The following RP1 variants were observed in gnomAD, a reference collection of about 807,000 sequenced individuals.
RP1 encodes the protein oxygen-regulated protein 1.
A neutral mutation model predicts 14.8 loss-of-function variants in RP1; 16 were observed. That is an observed-to-expected ratio of 1.08 (90% CI 0.73 to 1.65). The LOEUF (loss-of-function observed/expected upper bound fraction) is 1.65, where lower values mean the gene tolerates loss of function less well. RP1 is among the 40% of genes most tolerant of loss of function. The pLI is 0.00. For synonymous variants in RP1, 876 were observed against 883.6 expected (o/e 0.99, Z 0.15); for missense variants, 2,631 against 2,535.0 (o/e 1.04, Z -0.81).
intron 17 of RP1, among the ~76,000 whole-genome samples, chr8:54,731,867 A>G (rs1250873246): frequency 1.3e-5 from 2 of 152,134 alleles, no homozygotes; most frequent in Non-Finnish European, 2.9e-5. Context: ...TTCACTGTCT[A>G]GTGTCTATTG....
chr8:54,706,930 G>A (rs1408671074), intron 15 of RP1, among the ~76,000 whole-genome samples: 1 of 152,054 alleles, frequency 6.6e-6, no homozygotes, highest in African/African-American at 2.4e-5. Flanking sequence ...GAAGGCTGGC[G>A]TGGGACCTGA....
chr8:54,697,106 C>T lies in RP1; in HGVS notation c.1718-2361C>T, dbSNP rs564842357. 92 of 1,539,350 alleles carry T rather than the reference C, an allele frequency of 6.0e-5. No homozygotes were observed. The African/African-American group carries it at 8.3e-4, about 14-fold the overall frequency. Reference sequence around the variant, plus strand: ...GGGCACACCTGGCTATCGGGGTGAACGCATCAATCAGCTCATCTAGACCTA... The same window carrying T: ...GGGCACACCTGGCTATCGGGGTGAATGCATCAATCAGCTCATCTAGACCTA... On this transcript the variant is annotated intron_variant, in intron 12 of 22. Coordinates refer to the RP1 transcript ENST00000636932.
chr8:54,566,429 T>C (rs58830516), intron 1 of RP1, among the ~76,000 whole-genome samples: 347 of 152,200 alleles, frequency 2.3e-3, no homozygotes, highest in African/African-American at 8.1e-3. Flanking sequence ...TCCAAATCAC[T>C]CAAAGGGCAG....
At chr8:54,602,125 T>C (rs960492798) in intron 1 of RP1, among the ~76,000 whole-genome samples, 3 of 152,320 alleles carry the variant, frequency 2.0e-5, no homozygotes, top group Admixed American at 2.0e-4. Flanking sequence ...CATGTTGGTG[T>C]GCTGCACCCA....
intron 24 of RP1, among the ~76,000 whole-genome samples, chr8:54,816,168 G>A (rs901337097): frequency 6.6e-6 from 1 of 152,144 alleles, no homozygotes; most frequent in African/African-American, 2.4e-5. Flanking sequence ...AAAGGGAAAA[G>A]TATTTAATAA....
At chr8:54,607,733 C>T (rs1004399048) in intron 1 of RP1, among the ~76,000 whole-genome samples, 7 of 152,176 alleles carry the variant, frequency 4.6e-5, no homozygotes, top group African/African-American at 1.4e-4. Context: ...CTACTCAAGC[C>T]TCGGCAACGG....
chr8:54,715,811 G>A (rs545016118), intron 15 of RP1, among the ~76,000 whole-genome samples: 3 of 152,182 alleles, frequency 2.0e-5, no homozygotes, highest in South Asian at 2.1e-4. Context: ...GAAACTGCTC[G>A]TCACTAGTGC....
chr8:54,575,922 G>A (rs989137640), intron 1 of RP1, among the ~76,000 whole-genome samples: 2 of 152,198 alleles, frequency 1.3e-5, no homozygotes, highest in Admixed American at 6.5e-5. Context: ...GTGAGTGTGT[G>A]AGCAGAGAGA....
chr8:54,636,689 G>C (rs992724408), intron 3 of RP1, among the ~76,000 whole-genome samples: 4 of 152,162 alleles, frequency 2.6e-5, no homozygotes, highest in Non-Finnish European at 5.9e-5. Context: ...AGTGAGCTGA[G>C]ATTACGCCAC....
chr8:54,851,160 A>G (rs551486953), intron 25 of RP1, among the ~76,000 whole-genome samples: 5 of 152,168 alleles, frequency 3.3e-5, no homozygotes, highest in African/African-American at 4.8e-5. Flanking sequence ...TGTGTTGAGA[A>G]GTATCTGAGG....
intron 1 of RP1, among the ~76,000 whole-genome samples, chr8:54,601,872 A>G (rs1260169459): frequency 1.3e-5 from 2 of 152,242 alleles, no homozygotes; most frequent in Non-Finnish European, 2.9e-5. Context: ...TGAAATGTTC[A>G]AAATAGGCAA....
chr8:54,660,561 G>A (rs971944908), intron 6 of RP1, among the ~76,000 whole-genome samples: 7 of 152,074 alleles, frequency 4.6e-5, no homozygotes, highest in African/African-American at 1.7e-4. Context: ...GGGTAGGAGG[G>A]GGAGCTTCAG....
intron 23 of RP1, among the ~76,000 whole-genome samples, chr8:54,777,269 T>C (rs1232330558): frequency 6.6e-6 from 1 of 152,224 alleles, no homozygotes; most frequent in African/African-American, 2.4e-5. Flanking sequence ...GTAGTCCCAC[T>C]GTGCACGTGT....
chr8:54,867,435 AG>A (rs1470001995), intron 28 of RP1, among the ~76,000 whole-genome samples: 1 of 152,170 alleles, frequency 6.6e-6, no homozygotes, highest in Non-Finnish European at 1.5e-5. Context: ...AGGGAATAGA[AG>A]GGGCAAAGAT....
chr8:54,846,378 T>C (rs1811920828), intron 25 of RP1, among the ~76,000 whole-genome samples: 1 of 152,172 alleles, frequency 6.6e-6, no homozygotes, highest in Non-Finnish European at 1.5e-5. Context: ...AATATAACCT[T>C]TTTCCTTCTC....
At chr8:54,734,881 A>G (rs1808882169) in intron 18 of RP1, 1 of 631,948 alleles carries the variant, frequency 1.6e-6, no homozygotes, top group South Asian at 4.9e-5. Context: ...GTAAGTTAAT[A>G]ATGCTTATTG....
At chr8:54,620,578 C>T (rs1351560847) in intron 1 of RP1, among the ~76,000 whole-genome samples, 1 of 152,146 alleles carries the variant, frequency 6.6e-6, no homozygotes, top group Non-Finnish European at 1.5e-5. Flanking sequence ...GAATGTTTTG[C>T]AAACTGATTT....
At chr8:54,601,347 T>A (rs145854388) in intron 1 of RP1, among the ~76,000 whole-genome samples, 2 of 147,378 alleles carry the variant, frequency 1.4e-5, no homozygotes, top group East Asian at 4.0e-4. Flanking sequence ...CCGCATATTC[T>A]CACTCATAGG....
intron 26 of RP1, chr8:54,852,834 T>C: frequency 1.2e-6 from 1 of 812,420 alleles, no homozygotes; most frequent in Non-Finnish European, 1.7e-6. Flanking sequence ...AGTTGATTCC[T>C]GTGAGGAATT....
Sources: gnomAD v4.1 joint callset for allele counts (sites outside exome capture counted in the v4.1 genomes callset) on GRCh38, gnomAD v4.1.1 for gene constraint, MANE v1.5 for transcripts, NCBI Gene and HGNC (gene_info 2026-07-23, HGNC 2026-07-21) for gene names.